SHISA9: variants seen among roughly 807,000 people sequenced by gnomAD.
The protein encoded by SHISA9 is shisa family member 9, also known as protein shisa-9.
In SHISA9, 13 loss-of-function variants were observed where a neutral mutation model predicts 38.0. The observed-to-expected ratio is 0.34, with a 90% confidence interval of 0.22 to 0.54. The LOEUF is 0.54. Among genes scored for constraint, SHISA9 ranks in the 20% least tolerant of loss-of-function variants. The probability of loss-of-function intolerance (pLI) is 0.91; values close to 1 mark genes in which losing one functional copy is unlikely to be tolerated. For missense variants in SHISA9, 538 were observed against 575.8 expected, an observed-to-expected ratio of 0.93 and a Z score of 0.67; for synonymous variants, 275 against 242.0, an observed-to-expected ratio of 1.14 and a Z score of -1.27.
chr16:12,918,555 G>C (rs1054837361), intron 2 of SHISA9, among the ~76,000 whole-genome samples: 4 of 152,188 alleles, frequency 2.6e-5, no homozygotes, highest in Non-Finnish European at 4.4e-5. Flanking sequence ...TACATAAGGC[G>C]TTTTCATTGA....
chr16:13,130,205 A>G (rs2050294975), intron 2 of SHISA9, among the ~76,000 whole-genome samples: 1 of 152,154 alleles, frequency 6.6e-6, no homozygotes, highest in African/African-American at 2.4e-5. Flanking sequence ...TAGCCAATGA[A>G]AAAATGAGTC....
rs1437644546 is a variant in SHISA9 at position 12,907,276 on chromosome 16, CCCTTCCTCCCTTCTTTGCTTCTTTTTT to C, written c.563+4663_563+4689del. 4.9e-5 allele frequency among the ~76,000 whole-genome samples: 7 copies of C among 142,276 alleles called. No homozygotes were observed. The South Asian group carries it at 9.6e-4, about 19-fold the overall frequency. 93.3% of individuals were successfully genotyped at this position (142,276 alleles called of 152,430 possible). On this transcript the variant is annotated intron_variant, in intron 1 of 4. Coordinates refer to ENST00000558583, the MANE Select transcript of SHISA9 (RefSeq NM_001145204.3). The stretch of plus-strand genomic sequence containing the variant: ...CTACCCTTCTTCCTTCTGTCTTCTT[CCCTTCCTCCCTTCTTTGCTTCTTTTTT>C]CCTTCCTCCCTTCCCTTTTCTCCCT...
At chr16:13,483,026 C>T in the SHISA9 span, among the ~76,000 whole-genome samples, 44 of 152,260 alleles carry the variant, frequency 2.9e-4, no homozygotes, top group Middle Eastern at 6.8e-3. Context: ...TTCAGACCTC[C>T]GCTTCCACAG....
the SHISA9 span, among the ~76,000 whole-genome samples, chr16:13,309,190 G>A: frequency 6.6e-6 from 1 of 152,108 alleles, no homozygotes; most frequent in African/African-American, 2.4e-5. Context: ...TGGGGGGCCA[G>A]GGGGTAATGT....
At chr16:13,295,752 A>T in the SHISA9 span, among the ~76,000 whole-genome samples, 1 of 152,194 alleles carries the variant, frequency 6.6e-6, no homozygotes, top group South Asian at 2.1e-4. Context: ...AGGCAAGAGG[A>T]TGTGAAAACT....
the SHISA9 span, among the ~76,000 whole-genome samples, chr16:13,352,809 T>C: frequency 9.5e-5 from 13 of 136,416 alleles, 1 homozygote; most frequent in African/African-American, 3.7e-4. Context: ...AGGTGCTCAG[T>C]GGGGGAGCTT....
chr16:13,464,158 T>C, the SHISA9 span, among the ~76,000 whole-genome samples: 1 of 152,206 alleles, frequency 6.6e-6, no homozygotes, highest in Non-Finnish European at 1.5e-5. Flanking sequence ...ACTTTCTTTA[T>C]AGAGTAATTG....
chr16:13,392,440 G>A, the SHISA9 span, among the ~76,000 whole-genome samples: 1 of 152,122 alleles, frequency 6.6e-6, no homozygotes. Flanking sequence ...TTCATTGTCT[G>A]GATGTACCAC....
intron 2 of SHISA9, among the ~76,000 whole-genome samples, chr16:12,977,539 C>T (rs556063918): frequency 6.6e-5 from 10 of 152,202 alleles, no homozygotes; most frequent in African/African-American, 2.4e-4. Context: ...CTGCACTATT[C>T]ACAATAGCAA....
chr16:13,491,064 T>A, the SHISA9 span, among the ~76,000 whole-genome samples: 2 of 152,370 alleles, frequency 1.3e-5, no homozygotes. Flanking sequence ...CTATGTTCAC[T>A]GAATCTTAAA....
chr16:13,019,785 TTTCTTTC>T (rs1207539672), intron 2 of SHISA9, among the ~76,000 whole-genome samples: 1 of 125,510 alleles, frequency 8.0e-6, no homozygotes, highest in African/African-American at 3.1e-5. Flanking sequence ...TCTTTCTTTC[TTTCTTTC>T]TTTCTTTCTT....
Position 12,970,467 on chromosome 16 carries a change from G to GTATATATA in SHISA9, c.691+53653_691+53654insATATATAT, listed in dbSNP as rs1567168028. 3.2e-3 allele frequency among the ~76,000 whole-genome samples: 76 copies of GTATATATA among 23,578 alleles called. 4 individuals carry two copies. The highest frequency in any genetic ancestry group is 6.9e-3 in the East Asian group (6 of 864). The allele number at this position is 23,578 out of a possible 152,430, so 15.5% of individuals were successfully genotyped here. On this transcript the variant is annotated intron_variant, in intron 2 of 4. Coordinates refer to ENST00000558583, the MANE Select transcript of SHISA9 (RefSeq NM_001145204.3). The stretch of plus-strand genomic sequence containing the variant: ...CACATATATATATACATATATGTGT[G>GTATATATA]TGTATATATATATATATATATATAT...
chr16:13,560,387 C>T, the SHISA9 span, among the ~76,000 whole-genome samples: 168 of 152,224 alleles, frequency 1.1e-3, no homozygotes, highest in African/African-American at 3.8e-3. Context: ...ATCACATGGT[C>T]TAATCATGGA....
intron 2 of SHISA9, among the ~76,000 whole-genome samples, chr16:12,980,690 A>G (rs1480205087): frequency 1.3e-5 from 2 of 151,766 alleles, no homozygotes; most frequent in African/African-American, 4.8e-5. Context: ...TATTATTTTG[A>G]CGTTAGTGTT....
chr16:13,514,829 C>T, the SHISA9 span, among the ~76,000 whole-genome samples: 28 of 151,936 alleles, frequency 1.8e-4, no homozygotes, highest in Admixed American at 9.2e-4. Flanking sequence ...CATCGATACA[C>T]GTCGTAACTA....
At chr16:13,482,054 C>G in the SHISA9 span, among the ~76,000 whole-genome samples, 1 of 152,188 alleles carries the variant, frequency 6.6e-6, no homozygotes, top group Non-Finnish European at 1.5e-5. Flanking sequence ...CTTCCAGATC[C>G]GCATCTGTGC....
chr16:13,209,740 G>A (rs548143672), intron 3 of SHISA9, among the ~76,000 whole-genome samples: 14 of 152,298 alleles, frequency 9.2e-5, no homozygotes, highest in Middle Eastern at 3.4e-3. Flanking sequence ...GTGCCCATAT[G>A]GTTACAATAT....
chr16:13,438,267 T>G, the SHISA9 span, among the ~76,000 whole-genome samples: 4 of 152,336 alleles, frequency 2.6e-5, no homozygotes, highest in East Asian at 7.7e-4. Context: ...AATGAAATCA[T>G]TTTCTTAAGA....
intron 2 of SHISA9, among the ~76,000 whole-genome samples, chr16:13,135,006 G>A (rs2050336481): frequency 6.6e-6 from 1 of 152,242 alleles, no homozygotes; most frequent in Non-Finnish European, 1.5e-5. Context: ...TGGCCAATGC[G>A]AGTCACATGA....
Sources: gnomAD v4.1 joint callset for allele counts (sites outside exome capture counted in the v4.1 genomes callset) on GRCh38, gnomAD v4.1.1 for gene constraint, MANE v1.5 for transcripts, NCBI Gene and HGNC (gene_info 2026-07-23, HGNC 2026-07-21) for gene names.